The following CHEK1 variants were observed in gnomAD, a reference collection of about 807,000 sequenced individuals.
CHEK1 encodes serine/threonine-protein kinase Chk1.
A neutral mutation model predicts 60.2 loss-of-function variants in CHEK1; 32 were observed. The observed-to-expected ratio is 0.53, with a 90% CI of 0.40 to 0.71. CHEK1 has a LOEUF of 0.71. Among genes scored for constraint, CHEK1 ranks in the 30% least tolerant of loss-of-function variants. CHEK1 has a pLI of 0.00. For synonymous variants in CHEK1, 179 were observed against 187.2 expected (o/e 0.96, Z 0.36); for missense variants, 399 against 564.6 (o/e 0.71, Z 2.97).
At chr11:125,640,502 A>C (rs1405753540) in intron 8 of CHEK1, among the ~76,000 whole-genome samples, 1 of 150,364 alleles carries the variant, frequency 6.7e-6, no homozygotes, top group African/African-American at 2.5e-5. Context: ...AGATCGCACC[A>C]CTGCACTCCA....
chr11:125,640,114 A>G (rs530928098), intron 8 of CHEK1, among the ~76,000 whole-genome samples: 9 of 152,318 alleles, frequency 5.9e-5, no homozygotes, highest in East Asian at 3.9e-4. Flanking sequence ...CTAGTTTTCA[A>G]TTTCATCTAT....
At chr11:125,680,401 A>G (rs1016382956), downstream of CHEK1, among the ~76,000 whole-genome samples, 2 of 152,182 alleles carry the variant, frequency 1.3e-5, no homozygotes, top group Non-Finnish European at 2.9e-5. Context: ...GATCCCTCAC[A>G]TTTAATTGGT....
At chr11:125,680,584 C>G, downstream of CHEK1, 1 of 695,912 alleles carries the variant, frequency 1.4e-6, no homozygotes. Context: ...TTCAGGAGCT[C>G]TCCGAGTTGG....
intron 13 of CHEK1, among the ~76,000 whole-genome samples, chr11:125,673,755 A>G (rs1942332372): frequency 6.6e-6 from 1 of 152,180 alleles, no homozygotes; most frequent in African/African-American, 2.4e-5. Flanking sequence ...CCACACCTTC[A>G]AAACCTCTGT....
intron 8 of CHEK1, chr11:125,642,973 T>C (rs1289193513): frequency 6.6e-6 from 1 of 152,222 alleles, no homozygotes; most frequent in Non-Finnish European, 1.5e-5. Context: ...TAGCTAGGGA[T>C]TGTAACCATA....
At chr11:125,678,285 T>A (rs779504702), downstream of CHEK1, 3 of 1,613,670 alleles carry the variant, frequency 1.9e-6, no homozygotes, top group Non-Finnish European at 2.5e-6. Context: ...CTCATTAGGC[T>A]GACTTGATGT....
chr11:125,640,497 G>C (rs1469972318), intron 8 of CHEK1, among the ~76,000 whole-genome samples: 2 of 148,352 alleles, frequency 1.3e-5, no homozygotes. Context: ...AGCCGAGATC[G>C]CACCACTGCA....
At chr11:125,668,698 G>T (rs1009746763) in intron 13 of CHEK1, among the ~76,000 whole-genome samples, 1 of 151,970 alleles carries the variant, frequency 6.6e-6, no homozygotes, top group Non-Finnish European at 1.5e-5. Flanking sequence ...GACTATAGGC[G>T]CATGTCACCA....
chr11:125,676,566 G>T, downstream of CHEK1: 1 of 1,484,462 alleles, frequency 6.7e-7, no homozygotes, highest in Non-Finnish European at 9.3e-7. Flanking sequence ...ATGGGCAATA[G>T]GTAGCATGGA....
chr11:125,673,995 C>T (rs1350974608), intron 13 of CHEK1, among the ~76,000 whole-genome samples: 1 of 152,048 alleles, frequency 6.6e-6, no homozygotes. Flanking sequence ...ACTGTCCCTG[C>T]TAAAAATACA....
intron 5 of CHEK1, among the ~76,000 whole-genome samples, chr11:125,630,845 AAACT>A (rs1202603517): frequency 1.3e-5 from 2 of 152,202 alleles, no homozygotes; most frequent in African/African-American, 4.8e-5. Flanking sequence ...ATATAGCAGG[AAACT>A]AACCCAAATG....
In CHEK1 at chr11:125,626,727, T is replaced by C. The variant is rs1201113080; in HGVS notation, c.-20-22T>C. The C allele has an allele frequency of 1.9e-6, 3 of 1,611,950 alleles. No individual in the cohort carries two copies. The South Asian group carries it at 3.3e-5, about 18-fold the overall frequency. On this transcript the variant is annotated intron_variant, in intron 1 of 12. Transcript: ENST00000438015. The stretch of plus-strand genomic sequence containing the variant: ...TGGTGATCTTACACTCTACATCTTT[T>C]CTGGATTCCTGCCTTTTACAGCCGA...
rs753180922 is a variant in CHEK1, at chr11:125,627,647, G to A, written c.106G>A (p.Ala36Thr). The A allele has an allele frequency of 2.5e-6, 4 of 1,613,638 alleles. No individual in the cohort carries two copies. The highest frequency in any genetic ancestry group is 1.1e-5 in the South Asian group (1 of 91,036). ...GAATAGAGTAACTGAAGAAGCAGTC[G>A]CAGTGAAGATTGTAGATATGAAGCG... ...AVNRVTEEAV[A>T]VKIVDMKRAV... The change falls in exon 3 of 13, where the codon GCA becomes ACA. Residue 36 changes from alanine (A) to threonine (T), a missense_variant. This residue lies in a region of CHEK1 where 370 missense variants were observed against 494.8 expected (regional missense o/e 0.75). Coordinates refer to ENST00000438015, the MANE Select transcript of CHEK1 (RefSeq NM_001114122.3).
At chr11:125,644,715 A>C in intron 11 of CHEK1, 72 bp downstream of exon 11, 1 of 1,523,152 alleles carries the variant, frequency 6.6e-7, no homozygotes, top group Non-Finnish European at 8.9e-7. Context: ...AGCTATCATT[A>C]GTATATTTTT....
At position 125,633,233 on chromosome 11, in the gene CHEK1, C is replaced by T; in HGVS notation, c.495C>T (p.Asn165=). Residue 165 remains asparagine, a synonymous_variant, in exon 6 of 13, where the codon AAC becomes AAT. Coordinates refer to ENST00000438015, the MANE Select transcript of CHEK1 (RefSeq NM_001114122.3). The stretch of plus-strand genomic sequence containing the variant: ...ATAATAATCGTGAGCGTTTGTTGAA[C>T]AAGATGTGTGGTACTTTACCATATG... ...FRYNNRERLL[N]KMCGTLPYVA... 1 of 1,605,410 alleles carries T rather than the reference C, an allele frequency of 6.2e-7. No individual in the cohort carries two copies. Among genetic ancestry groups the T allele is most frequent in the South Asian group, 1.1e-5 (1 of 88,824 alleles).
rs187938982 is a variant in CHEK1, at chr11:125,675,670, G to A, written c.*28-258G>A. 1.9e-4 allele frequency among the ~76,000 whole-genome samples: 29 copies of A among 152,272 alleles called. 1 individual carries two copies. Among genetic ancestry groups the A allele is most frequent in the African/African-American group, 6.5e-4 (27 of 41,552 alleles). On this transcript the variant is annotated intron_variant, in intron 13 of 13. Coordinates refer to the CHEK1 transcript ENST00000428830. ...CAGACTTGTAGACAGTTGTTTATTAGTTTATCCATTCAATATTTACTAAAT... is the reference window on the plus strand; with the variant it reads ...CAGACTTGTAGACAGTTGTTTATTAATTTATCCATTCAATATTTACTAAAT...
chr11:125,680,256 G>C (rs191671354), downstream of CHEK1, among the ~76,000 whole-genome samples: 2 of 152,190 alleles, frequency 1.3e-5, no homozygotes, highest in African/African-American at 4.8e-5. Flanking sequence ...CAGAAAACCT[G>C]ATTGATATAA....
rs1282563769 is a variant in CHEK1, at chr11:125,625,940, C to A, written c.-93C>A. ...GCGCGGGTGCGCGAGTTTGCGGCAGCGTGACGCCCTCAAGTTTTGGCGGGA... is the reference window on the plus strand; with the variant it reads ...GCGCGGGTGCGCGAGTTTGCGGCAGAGTGACGCCCTCAAGTTTTGGCGGGA... On this transcript the variant is annotated 5_prime_UTR_variant, in exon 1 of 13. Transcript: ENST00000438015. 1.4e-6 allele frequency: 1 copy of A among 702,478 alleles called. No homozygotes were observed. Among genetic ancestry groups the A allele is most frequent in the African/African-American group, 1.7e-5 (1 of 57,258 alleles). 43.5% of individuals were successfully genotyped at this position (702,478 alleles called of 1,614,324 possible).
At chr11:125,671,616 T>C (rs1456357301) in intron 13 of CHEK1, 1 of 152,220 alleles carries the variant, frequency 6.6e-6, no homozygotes, top group African/African-American at 2.4e-5. Context: ...CCATTCTGGC[T>C]ACTTTCATTG....
Sources: gnomAD v4.1 joint callset for allele counts (sites outside exome capture counted in the v4.1 genomes callset) on GRCh38, gnomAD v4.1.1 for gene constraint, gnomAD v4.1.1 regional missense constraint, MANE v1.5 for transcripts, NCBI Gene and HGNC (gene_info 2026-07-23, HGNC 2026-07-21) for gene names.